NKAIN3: variants seen among roughly 807,000 people sequenced by gnomAD.
The protein encoded by NKAIN3 is sodium/potassium-transporting ATPase subunit beta-1-interacting protein 3.
In NKAIN3, 25 loss-of-function variants were observed where a neutral mutation model predicts 30.2. The observed-to-expected ratio is 0.83, with a 90% CI of 0.60 to 1.16. The LOEUF (loss-of-function observed/expected upper bound fraction) is 1.16. Ranked by LOEUF, NKAIN3 falls within the 50% of genes most tolerant of loss-of-function variation. The pLI, the probability that NKAIN3 is intolerant of heterozygous loss-of-function variation, is 0.00. For synonymous variants in NKAIN3, 91 were observed against 89.6 expected (o/e 1.02, Z -0.09); for missense variants, 225 against 254.1 (o/e 0.89, Z 0.78).
chr8:62,696,945 C>T (rs1424830624), intron 3 of NKAIN3, among the ~76,000 whole-genome samples: 1 of 152,144 alleles, frequency 6.6e-6, no homozygotes, highest in African/African-American at 2.4e-5. Flanking sequence ...TGCTCTGTTA[C>T]ATTTTTTCCT....
chr8:62,606,300 C>G (rs1047620173), intron 3 of NKAIN3, among the ~76,000 whole-genome samples: 1 of 151,996 alleles, frequency 6.6e-6, no homozygotes, highest in African/African-American at 2.4e-5. Context: ...AATATCTGTT[C>G]AGGCACAGTT....
chr8:62,295,692 T>A (rs1207916225), intron 1 of NKAIN3, among the ~76,000 whole-genome samples: 1 of 152,218 alleles, frequency 6.6e-6, no homozygotes, highest in Non-Finnish European at 1.5e-5. Flanking sequence ...TTTGTTGGAT[T>A]CTATTAGCTC....
chr8:62,803,803 T>TA (rs1247876101), intron 4 of NKAIN3, among the ~76,000 whole-genome samples: 4 of 152,010 alleles, frequency 2.6e-5, no homozygotes, highest in South Asian at 2.1e-4. Context: ...AAAAACCCTT[T>TA]AAAAAATTAA....
At chr8:62,324,422 C>A (rs1322971131) in intron 1 of NKAIN3, among the ~76,000 whole-genome samples, 1 of 152,068 alleles carries the variant, frequency 6.6e-6, no homozygotes, top group Non-Finnish European at 1.5e-5. Context: ...CATTTTATTA[C>A]ATAGTCTACT....
chr8:62,330,140 C>A (rs1313177311), intron 1 of NKAIN3, among the ~76,000 whole-genome samples: 1 of 151,790 alleles, frequency 6.6e-6, no homozygotes, highest in Non-Finnish European at 1.5e-5. Flanking sequence ...AAAGGGTGAG[C>A]CAAGGTTGAG....
At chr8:62,862,509 A>G (rs1388620494) in intron 4 of NKAIN3, among the ~76,000 whole-genome samples, 1 of 152,158 alleles carries the variant, frequency 6.6e-6, no homozygotes, top group Non-Finnish European at 1.5e-5. Flanking sequence ...AAATAATTCA[A>G]AACATTTTCA....
chr8:62,258,057 T>G (rs1812315087), intron 1 of NKAIN3, among the ~76,000 whole-genome samples: 1 of 152,158 alleles, frequency 6.6e-6, no homozygotes, highest in Non-Finnish European at 1.5e-5. Flanking sequence ...TTTTTTACCT[T>G]TCTCTCACAA....
intron 3 of NKAIN3, among the ~76,000 whole-genome samples, chr8:62,739,141 A>G (rs1309511862): frequency 6.6e-6 from 1 of 152,182 alleles, no homozygotes; most frequent in Middle Eastern, 3.2e-3. Flanking sequence ...GAGGAATAGC[A>G]TTAAGAGAAA....
chr8:62,587,951 T>C (rs1471852003), intron 2 of NKAIN3, among the ~76,000 whole-genome samples: 2 of 151,984 alleles, frequency 1.3e-5, no homozygotes, highest in African/African-American at 2.4e-5. Flanking sequence ...GTTATAACTA[T>C]GAATTGATTC....
At chr8:62,287,899 C>G (rs1813432274) in intron 1 of NKAIN3, among the ~76,000 whole-genome samples, 1 of 152,166 alleles carries the variant, frequency 6.6e-6, no homozygotes, top group African/African-American at 2.4e-5. Flanking sequence ...TGGTCGTGCT[C>G]TAATCACATT....
chr8:62,840,487 A>G (rs575372573), intron 4 of NKAIN3, among the ~76,000 whole-genome samples: 2 of 151,130 alleles, frequency 1.3e-5, no homozygotes, highest in East Asian at 3.9e-4. Flanking sequence ...CTGTCCTTTT[A>G]CACTGCTCTC....
intron 4 of NKAIN3, among the ~76,000 whole-genome samples, chr8:62,773,951 A>C (rs576751524): frequency 6.6e-6 from 1 of 152,124 alleles, no homozygotes; most frequent in Non-Finnish European, 1.5e-5. Flanking sequence ...GAAGAATGTC[A>C]TTGGTATTTT....
intron 1 of NKAIN3, among the ~76,000 whole-genome samples, chr8:62,317,323 G>A (rs1198910108): frequency 6.6e-6 from 1 of 152,182 alleles, no homozygotes; most frequent in African/African-American, 2.4e-5. Context: ...CATTGCTTTT[G>A]ATGTTTTAGA....
intron 2 of NKAIN3, among the ~76,000 whole-genome samples, chr8:62,588,140 A>G (rs1013785195): frequency 6.6e-6 from 1 of 151,654 alleles, no homozygotes; most frequent in African/African-American, 2.4e-5. Flanking sequence ...CTCTCATTTC[A>G]ATATACTTAT....
intron 1 of NKAIN3, among the ~76,000 whole-genome samples, chr8:62,385,127 C>G (rs145919596): frequency 2.0e-5 from 3 of 152,122 alleles, no homozygotes; most frequent in Admixed American, 6.6e-5. Flanking sequence ...TGCGAGTCCC[C>G]CCAGTTTCCC....
At chr8:62,792,645 T>TA (rs1200095125) in intron 4 of NKAIN3, among the ~76,000 whole-genome samples, 3 of 101,416 alleles carry the variant, frequency 3.0e-5, no homozygotes, top group Non-Finnish European at 6.9e-5. Flanking sequence ...AACATAAAGT[T>TA]AGAGGACCAA....
chr8:62,384,683 C>T (rs1040923212), intron 1 of NKAIN3, among the ~76,000 whole-genome samples: 1 of 152,104 alleles, frequency 6.6e-6, no homozygotes, highest in African/African-American at 2.4e-5. Flanking sequence ...TGTCTTCAGA[C>T]ACTTTTCTTG....
At chr8:62,855,549 C>T in intron 4 of NKAIN3, 1 of 1,527,400 alleles carries the variant, frequency 6.5e-7, no homozygotes, top group Non-Finnish European at 9.1e-7. Flanking sequence ...AACTCAACCA[C>T]CAGGGAGTCC....
chr8:62,811,784 T>G (rs1226651391), intron 4 of NKAIN3, among the ~76,000 whole-genome samples: 3 of 152,034 alleles, frequency 2.0e-5, no homozygotes, highest in African/African-American at 7.2e-5. Flanking sequence ...ACTTATTTGC[T>G]GAATATGTGG....
Sources: allele counts gnomAD v4.1 joint callset (sites outside exome capture counted in the v4.1 genomes callset), GRCh38; gene constraint gnomAD v4.1.1; transcripts MANE v1.5; gene names NCBI Gene and HGNC (gene_info 2026-07-23, HGNC 2026-07-21).